Variants in VEPH1 observed in about 807,000 individuals in gnomAD.
VEPH1 encodes ventricular zone-expressed PH domain-containing protein homolog 1.
VEPH1 carries 80 observed loss-of-function variants against 85.2 expected under a neutral mutation model. The ratio of observed to expected loss-of-function variants is 0.94; its 90% CI spans 0.78 to 1.13. The LOEUF is 1.13. Ranked by LOEUF, VEPH1 falls within the 50% of genes most tolerant of loss-of-function variation. The pLI is 0.00. For synonymous variants in VEPH1, 297 were observed against 348.0 expected (o/e 0.85, Z 1.63); for missense variants, 955 against 980.5 (o/e 0.97, Z 0.35).
At chr3:157,413,805 T>C in intron 6 of VEPH1, 76 bp downstream of exon 6, 2 of 1,494,928 alleles carry the variant, frequency 1.3e-6, no homozygotes, top group Non-Finnish European at 1.8e-6. Flanking sequence ...CACGTCATAA[T>C]AATCCAACCT....
intron 3 of VEPH1, among the ~76,000 whole-genome samples, chr3:157,460,625 T>C (rs1735776744): frequency 6.6e-6 from 1 of 152,158 alleles, no homozygotes; most frequent in Non-Finnish European, 1.5e-5. Flanking sequence ...GAAGGAGCAC[T>C]CAATCCAGTC....
At chr3:157,283,672 C>A (rs1577234164) in intron 12 of VEPH1, among the ~76,000 whole-genome samples, 1 of 152,324 alleles carries the variant, frequency 6.6e-6, no homozygotes, top group Non-Finnish European at 1.5e-5. Flanking sequence ...TGAGTCTACA[C>A]AGTTAAGAAG....
intron 2 of VEPH1, among the ~76,000 whole-genome samples, chr3:157,472,488 G>A (rs191678151): frequency 4.6e-5 from 7 of 152,052 alleles, no homozygotes; most frequent in African/African-American, 1.4e-4. Flanking sequence ...TACTAATTTT[G>A]CAACTTTCCC....
At chr3:157,337,060 A>G (rs1224422993) in intron 9 of VEPH1, among the ~76,000 whole-genome samples, 1 of 151,414 alleles carries the variant, frequency 6.6e-6, no homozygotes, top group Non-Finnish European at 1.5e-5. Flanking sequence ...AATTTTTGGA[A>G]TTATTACGCT....
At chr3:157,293,587 A>T (rs576729853) in intron 11 of VEPH1, among the ~76,000 whole-genome samples, 104 of 152,174 alleles carry the variant, frequency 6.8e-4, no homozygotes, top group African/African-American at 2.3e-3. Context: ...ATGACAAAAT[A>T]AAAAAAAGCC....
intron 4 of VEPH1, among the ~76,000 whole-genome samples, chr3:157,444,165 C>T (rs553507039): frequency 2.7e-4 from 41 of 152,280 alleles, no homozygotes; most frequent in African/African-American, 8.7e-4. Context: ...GATAGAAGGG[C>T]CTCACAAAGC....
intron 11 of VEPH1, among the ~76,000 whole-genome samples, chr3:157,292,190 C>T (rs1042549381): frequency 6.6e-6 from 1 of 152,162 alleles, no homozygotes; most frequent in East Asian, 1.9e-4. Context: ...CTCAGCCTCC[C>T]AGAGTGCTGT....
At chr3:157,330,286 CTG>C in intron 9 of VEPH1, among the ~76,000 whole-genome samples, 1 of 152,284 alleles carries the variant, frequency 6.6e-6, no homozygotes, top group African/African-American at 2.4e-5. Context: ...GAAAGGGAAT[CTG>C]GAAATTAGAA....
At chr3:157,443,162 A>G in intron 4 of VEPH1, 1 of 691,230 alleles carries the variant, frequency 1.4e-6, no homozygotes, top group Non-Finnish European at 2.3e-6. Context: ...AAGACATTGG[A>G]AAAAGCTTTT....
intron 2 of VEPH1, among the ~76,000 whole-genome samples, chr3:157,475,053 C>T (rs1182465461): frequency 6.6e-6 from 1 of 151,714 alleles, no homozygotes; most frequent in Non-Finnish European, 1.5e-5. Context: ...TGCCATGGCT[C>T]AATGCAGCCT....
At chr3:157,316,580 A>G (rs1190418162) in intron 10 of VEPH1, among the ~76,000 whole-genome samples, 1 of 151,356 alleles carries the variant, frequency 6.6e-6, no homozygotes, top group Non-Finnish European at 1.5e-5. Context: ...CTATGCATCA[A>G]ATTCTTCATT....
chr3:157,484,930 A>G (rs1738482658), intron 2 of VEPH1, among the ~76,000 whole-genome samples: 2 of 152,186 alleles, frequency 1.3e-5, no homozygotes, highest in South Asian at 2.1e-4. Flanking sequence ...TCTTTCATCT[A>G]TGCTAAGAGA....
chr3:157,341,721 T>C lies in VEPH1; in HGVS notation c.1735+21643A>G, dbSNP rs866405459. On this transcript the variant is annotated intron_variant, in intron 9 of 13. Coordinates refer to ENST00000362010, the MANE Select transcript of VEPH1 (RefSeq NM_001167912.2). ...GAAGAGCAACTCCAAGACACATAATTGTCAGATTCACCAAAGTTGAAATGA... is the reference window on the plus strand; with the variant it reads ...GAAGAGCAACTCCAAGACACATAATCGTCAGATTCACCAAAGTTGAAATGA... Among the ~76,000 whole-genome samples the C allele has an allele frequency of 6.1e-4, 93 of 152,120 alleles. No individual in the cohort carries two copies. The Middle Eastern group carries it at 0.017, about 28-fold the overall frequency.
chr3:157,268,144 A>G (rs144766689), intron 12 of VEPH1, among the ~76,000 whole-genome samples: 1 of 152,308 alleles, frequency 6.6e-6, no homozygotes, highest in East Asian at 1.9e-4. Context: ...GATCTTTGCA[A>G]ATTTAAATTT....
intron 6 of VEPH1, among the ~76,000 whole-genome samples, chr3:157,411,210 C>A (rs964783923): frequency 2.0e-5 from 3 of 152,104 alleles, no homozygotes; most frequent in African/African-American, 7.2e-5. Context: ...TAGAAGGAGC[C>A]TGGGTCTCTG....
At chr3:157,432,230 A>AT (rs113768831) in intron 4 of VEPH1, among the ~76,000 whole-genome samples, 3,847 of 152,086 alleles carry the variant, frequency 0.025, 155 homozygotes, top group African/African-American at 0.082. Flanking sequence ...GGATGTTGCC[A>AT]TTTTTTCTTA....
chr3:157,352,517 A>G (rs1724976057), intron 9 of VEPH1, among the ~76,000 whole-genome samples: 1 of 152,246 alleles, frequency 6.6e-6, no homozygotes, highest in Admixed American at 6.5e-5. Context: ...ATCCAAGCAA[A>G]TAGTGAGACA....
At chr3:157,339,697 T>C (rs1490325520) in intron 9 of VEPH1, among the ~76,000 whole-genome samples, 1 of 152,198 alleles carries the variant, frequency 6.6e-6, no homozygotes, top group East Asian at 1.9e-4. Flanking sequence ...ACTGCTAATA[T>C]AAATTATTTC....
intron 4 of VEPH1, chr3:157,443,340 G>A (rs1323403824): frequency 1.1e-5 from 2 of 187,600 alleles, no homozygotes; most frequent in African/African-American, 4.7e-5. Flanking sequence ...TTTTACATTG[G>A]AAGAATAACA....
Sources: allele counts gnomAD v4.1 joint callset (sites outside exome capture counted in the v4.1 genomes callset), GRCh38; gene constraint gnomAD v4.1.1; transcripts MANE v1.5; gene names NCBI Gene and HGNC (gene_info 2026-07-23, HGNC 2026-07-21).